Variants in CHST11 observed in about 807,000 individuals in gnomAD.
CHST11 encodes carbohydrate sulfotransferase 11.
A neutral mutation model predicts 30.4 loss-of-function variants in CHST11; 9 were observed. That is an observed-to-expected ratio of 0.30 (90% CI 0.18 to 0.52). The LOEUF is 0.52. Among genes scored for constraint, CHST11 ranks in the 20% least tolerant of loss-of-function variants. The pLI is 0.97. For synonymous variants in CHST11, 152 were observed against 187.8 expected, an observed-to-expected ratio of 0.81 and a Z score of 1.56; for missense variants, 348 against 460.6, an observed-to-expected ratio of 0.76 and a Z score of 2.24.
chr12:104,640,818 A>G (rs2039369803), intron 2 of CHST11, among the ~76,000 whole-genome samples: 1 of 152,142 alleles, frequency 6.6e-6, no homozygotes, highest in South Asian at 2.1e-4. Context: ...GAGGCAGGGA[A>G]ATTCTGGGCA....
intron 1 of CHST11, among the ~76,000 whole-genome samples, chr12:104,594,521 C>T (rs200858759): frequency 1.3e-5 from 2 of 152,170 alleles, no homozygotes; most frequent in East Asian, 1.9e-4. Flanking sequence ...TAGAAGGCTT[C>T]GGGCTTCTGT....
At chr12:104,723,665 G>C (rs896998435) in intron 2 of CHST11, among the ~76,000 whole-genome samples, 3 of 152,156 alleles carry the variant, frequency 2.0e-5, no homozygotes, top group South Asian at 4.1e-4. Context: ...TTAGACTCTG[G>C]GGTGAGGGGC....
At chr12:104,468,041 T>C (rs191491877) in intron 1 of CHST11, among the ~76,000 whole-genome samples, 2 of 152,184 alleles carry the variant, frequency 1.3e-5, no homozygotes, top group East Asian at 1.9e-4. Context: ...CATGTCCTCA[T>C]GGAACATACA....
chr12:104,695,160 C>A (rs1159467255), intron 2 of CHST11, among the ~76,000 whole-genome samples: 1 of 152,198 alleles, frequency 6.6e-6, no homozygotes, highest in Non-Finnish European at 1.5e-5. Flanking sequence ...CCTCAGCTGT[C>A]CCATCTGTAA....
Position 104,457,452 on chromosome 12 carries a change from T to C in CHST11, c.41T>C (p.Ile14Thr). The C allele has an allele frequency of 6.2e-7, 1 of 1,614,174 alleles. No homozygotes were observed. The highest frequency in any genetic ancestry group is 8.5e-7 in the Non-Finnish European group (1 of 1,179,978). ...ALLEVMRMNRICRMVLATCLG... is the reference protein window; with the variant it reads ...ALLEVMRMNRTCRMVLATCLG... ...CTGGAAGTGATGAGGATGAACAGAA[T>C]CTGCCGGATGGTGCTGGCCACTTGC... The change falls in exon 1 of 3, where the codon ATC becomes ACC. Residue 14 changes from isoleucine (I) to threonine (T), a missense_variant. Coordinates refer to ENST00000303694, the MANE Select transcript of CHST11 (RefSeq NM_018413.6).
chr12:104,482,875 C>T (rs1029364701), intron 1 of CHST11, among the ~76,000 whole-genome samples: 3 of 152,142 alleles, frequency 2.0e-5, no homozygotes, highest in Non-Finnish European at 4.4e-5. Context: ...CTTTTAGTGG[C>T]TTCACGTCTG....
chr12:104,485,935 G>T (rs2037672874), intron 1 of CHST11, among the ~76,000 whole-genome samples: 1 of 152,200 alleles, frequency 6.6e-6, no homozygotes, highest in Admixed American at 6.5e-5. Context: ...TTGGGCCTTT[G>T]CACGGCCTGC....
intron 2 of CHST11, among the ~76,000 whole-genome samples, chr12:104,675,924 G>A (rs703674): frequency 0.25 from 38,604 of 152,036 alleles, 7,061 homozygotes; most frequent in African/African-American, 0.52. Context: ...GGCTTACTCA[G>A]GGTCACGTGT....
At chr12:104,638,024 C>G (rs2039342259) in intron 2 of CHST11, among the ~76,000 whole-genome samples, 1 of 152,182 alleles carries the variant, frequency 6.6e-6, no homozygotes, top group South Asian at 2.1e-4. Flanking sequence ...AGAGCAGGCT[C>G]TCTCAGCTGA....
rs567644147 is a variant in CHST11, at chr12:104,729,433, C to T, written c.205-27516C>T. On this transcript the variant is annotated intron_variant, in intron 2 of 2. Coordinates refer to ENST00000303694, the MANE Select transcript of CHST11 (RefSeq NM_018413.6). The surrounding 1 kb of genome is among the most constrained non-coding windows in gnomAD (Gnocchi z 4.0). ...GATTCAAGCAGTGTTTCTCTGCAGA[C>T]AGTTCACCCAAATGATTTGTGAAGA... 6.6e-6 allele frequency among the ~76,000 whole-genome samples: 1 copy of T among 152,314 alleles called. No homozygotes were observed. Among genetic ancestry groups the T allele is most frequent in the African/African-American group, 2.4e-5 (1 of 41,566 alleles).
Position 104,759,669 on chromosome 12 carries a change from G to GT in CHST11, c.*1867dup, listed in dbSNP as rs2040508308. On this transcript the variant is annotated 3_prime_UTR_variant, in exon 3 of 3. Coordinates refer to ENST00000303694, the MANE Select transcript of CHST11 (RefSeq NM_018413.6). ...CACCGGGGAAATTATTTTATTTAAC[G>GT]TGAGTGAGATGTGGGCCGGAGAAGG... 1 of 152,144 alleles carries GT rather than the reference G, an allele frequency of 6.6e-6. No homozygotes were observed. The highest frequency in any genetic ancestry group is 1.5e-5 in the Non-Finnish European group (1 of 68,030). 9.4% of individuals were successfully genotyped at this position (152,144 alleles called of 1,614,324 possible).
At chr12:104,460,619 G>A (rs2037398477) in intron 1 of CHST11, among the ~76,000 whole-genome samples, 1 of 150,074 alleles carries the variant, frequency 6.7e-6, no homozygotes, top group Admixed American at 6.7e-5. Flanking sequence ...AGCTAAGATG[G>A]CACCACTGCA....
intron 2 of CHST11, among the ~76,000 whole-genome samples, chr12:104,686,724 C>T (rs559220769): frequency 7.2e-5 from 11 of 152,028 alleles, no homozygotes; most frequent in African/African-American, 2.2e-4. Flanking sequence ...CTCAGCTCAC[C>T]GTAACCTCCG....
chr12:104,543,275 G>T (rs1390147296), intron 1 of CHST11, among the ~76,000 whole-genome samples: 3 of 152,160 alleles, frequency 2.0e-5, no homozygotes, highest in Admixed American at 6.5e-5. Context: ...CATTCTTGAG[G>T]TATCAGCCTC....
At chr12:104,721,128 A>G (rs1041759255) in intron 2 of CHST11, among the ~76,000 whole-genome samples, 10 of 152,254 alleles carry the variant, frequency 6.6e-5, no homozygotes, top group Non-Finnish European at 1.5e-4. Context: ...ATTTAATGCA[A>G]GAGCAAACCC....
intron 1 of CHST11, among the ~76,000 whole-genome samples, chr12:104,494,747 T>G (rs1243442512): frequency 1.3e-5 from 2 of 152,148 alleles, no homozygotes; most frequent in African/African-American, 4.8e-5. Flanking sequence ...TGTAAAACAC[T>G]TAAACAATTC....
chr12:104,611,926 G>A (rs1265948078), intron 2 of CHST11, among the ~76,000 whole-genome samples: 1 of 152,224 alleles, frequency 6.6e-6, no homozygotes, highest in Non-Finnish European at 1.5e-5. Context: ...TTGCCTGAAG[G>A]AACTGGGGAA....
chr12:104,561,660 G>T (rs994528291), intron 1 of CHST11, among the ~76,000 whole-genome samples: 1 of 152,136 alleles, frequency 6.6e-6, no homozygotes, highest in African/African-American at 2.4e-5. Context: ...GGAAAACAAC[G>T]CCCTGTATCT....
At chr12:104,678,039 G>A (rs1277366894) in intron 2 of CHST11, among the ~76,000 whole-genome samples, 1 of 152,186 alleles carries the variant, frequency 6.6e-6, no homozygotes, top group Non-Finnish European at 1.5e-5. Context: ...AACCTTCCAG[G>A]CACTGCTTCT....
Sources: allele counts gnomAD v4.1 joint callset (sites outside exome capture counted in the v4.1 genomes callset), GRCh38; gene constraint gnomAD v4.1.1; non-coding constraint Gnocchi (gnomAD v3.1); transcripts MANE v1.5; gene names NCBI Gene and HGNC (gene_info 2026-07-23, HGNC 2026-07-21).